The following PCBP3 variants were observed in gnomAD, a reference collection of about 807,000 sequenced individuals.
PCBP3 encodes the protein poly(rC)-binding protein 3.
PCBP3 carries 25 observed loss-of-function variants against 52.7 expected under a neutral mutation model. The ratio of observed to expected loss-of-function variants is 0.47; its 90% CI spans 0.35 to 0.66. The LOEUF (loss-of-function observed/expected upper bound fraction) is 0.66, where lower values mean the gene tolerates loss of function less well. Ranked by LOEUF, PCBP3 falls within the 30% of genes least tolerant of loss-of-function variation. The pLI is 0.01. For missense variants in PCBP3, 391 were observed against 490.3 expected, an observed-to-expected ratio of 0.80 and a Z score of 1.91; for synonymous variants, 162 against 183.0, an observed-to-expected ratio of 0.89 and a Z score of 0.93.
chr21:45,699,078 T>C (rs920909588), intron 2 of PCBP3, among the ~76,000 whole-genome samples: 3 of 152,174 alleles, frequency 2.0e-5, no homozygotes, highest in African/African-American at 7.2e-5. Flanking sequence ...TCCCTGAGCT[T>C]TATGTAGCAA....
chr21:45,739,286 TTCA>T (rs2145966360), intron 3 of PCBP3, among the ~76,000 whole-genome samples: 1 of 71,644 alleles, frequency 1.4e-5, no homozygotes, highest in Non-Finnish European at 2.6e-5. Flanking sequence ...CCCCCCCATC[TTCA>T]TCAGCCCACC....
chr21:45,920,986 G>A (rs186957342), intron 13 of PCBP3, among the ~76,000 whole-genome samples: 20 of 152,264 alleles, frequency 1.3e-4, no homozygotes, highest in East Asian at 3.9e-4. Flanking sequence ...TTTCTACATC[G>A]GTGTCATGAG....
chr21:45,712,073 T>G (rs539073702), intron 2 of PCBP3, among the ~76,000 whole-genome samples: 2 of 152,364 alleles, frequency 1.3e-5, no homozygotes, highest in Admixed American at 1.3e-4. Context: ...CTTCATATCT[T>G]GATAGTTCAT....
chr21:45,797,689 G>C (rs1415000729), intron 4 of PCBP3, among the ~76,000 whole-genome samples: 1 of 152,112 alleles, frequency 6.6e-6, no homozygotes, highest in Non-Finnish European at 1.5e-5. Flanking sequence ...TGCATAGATG[G>C]ACGAGTGCAT....
chr21:45,676,586 T>G (rs9976878), intron 2 of PCBP3, among the ~76,000 whole-genome samples: 27,327 of 151,996 alleles, frequency 0.18, 2,600 homozygotes, highest in Middle Eastern at 0.33. Flanking sequence ...GCCATGAACT[T>G]TGCCCATATA....
At position 45,656,467 on chromosome 21, in the gene PCBP3, G is replaced by A. The variant is rs1187122731; in HGVS notation, c.-278-12407G>A. Reference sequence around the variant, plus strand: ...ATGAGAACACATGGACACAGGGAGGGGAACATCATACACCAGGGCCTGTCG... The same window carrying A: ...ATGAGAACACATGGACACAGGGAGGAGAACATCATACACCAGGGCCTGTCG... On this transcript the variant is annotated intron_variant, in intron 1 of 17. Transcript: ENST00000681687. This position sits in a 1 kb window ranked among gnomAD's most constrained non-coding sequence, Gnocchi z 4.3. Among the ~76,000 whole-genome samples the A allele has an allele frequency of 6.6e-6, 1 of 152,066 alleles. No homozygotes were observed. Among genetic ancestry groups the A allele is most frequent in the Non-Finnish European group, 1.5e-5 (1 of 68,018 alleles).
intron 4 of PCBP3, among the ~76,000 whole-genome samples, chr21:45,818,461 C>T (rs548362222): frequency 1.2e-4 from 19 of 152,332 alleles, no homozygotes; most frequent in Non-Finnish European, 2.5e-4. Context: ...ATGCGCTTCA[C>T]GTACTCACTC....
intron 2 of PCBP3, among the ~76,000 whole-genome samples, chr21:45,680,070 T>C (rs991928523): frequency 1.3e-5 from 2 of 152,256 alleles, no homozygotes; most frequent in Admixed American, 1.3e-4. Context: ...GGATTTCTTA[T>C]ATCGTTCCAT....
chr21:45,859,149 C>T (rs2094419510), intron 5 of PCBP3: 1 of 152,946 alleles, frequency 6.5e-6, no homozygotes, highest in African/African-American at 2.4e-5. Context: ...ACTCCTGCTG[C>T]TTGTCCACTC....
rs561051755 is a variant in PCBP3, at chr21:45,817,726, C to G, written c.-125-32235C>G. On this transcript the variant is annotated intron_variant, in intron 4 of 17. Coordinates refer to ENST00000681687, the MANE Select transcript of PCBP3 (RefSeq NM_001384156.1). This position sits in a 1 kb window ranked among gnomAD's most constrained non-coding sequence, Gnocchi z 4.3. The stretch of plus-strand genomic sequence containing the variant: ...GCTCGAACACACTTGCTTCTTATTT[C>G]TGTCCAATTCTTAAGGTTTTTACTG... Among the ~76,000 whole-genome samples, 1 of 152,360 alleles carries G rather than the reference C, an allele frequency of 6.6e-6. No individual in the cohort carries two copies. Among genetic ancestry groups the G allele is most frequent in the East Asian group, 1.9e-4 (1 of 5,184 alleles).
In PCBP3 at chr21:45,802,217, C is replaced by A. The variant is rs936577092; in HGVS notation, c.-126+46765C>A. ...TCTGCAGCTGGGCGCTGTTTCTGCC[C>A]TGTCATGCAAGTGGGCTGGGTGCAG... is the stretch of plus-strand genomic sequence containing the variant. On this transcript the variant is annotated intron_variant, in intron 4 of 17. Transcript: ENST00000681687. The surrounding 1 kb of genome is among the most constrained non-coding windows in gnomAD (Gnocchi z 5.1). Among the ~76,000 whole-genome samples the A allele has an allele frequency of 7.2e-5, 11 of 152,194 alleles. No individual in the cohort carries two copies. Among genetic ancestry groups the A allele is most frequent in the African/African-American group, 2.7e-4 (11 of 41,444 alleles).
At chr21:45,809,452 G>A (rs371190548) in intron 4 of PCBP3, among the ~76,000 whole-genome samples, 1 of 152,212 alleles carries the variant, frequency 6.6e-6, no homozygotes, top group African/African-American at 2.4e-5. Context: ...AAGAGGGGGT[G>A]TGCGAGCAAG....
At chr21:45,938,819 C>CT in intron 16 of PCBP3, among the ~76,000 whole-genome samples, 1 of 152,322 alleles carries the variant, frequency 6.6e-6, no homozygotes, top group East Asian at 1.9e-4. Flanking sequence ...GAGATGGCCT[C>CT]TAAGGTGAGC....
intron 5 of PCBP3, among the ~76,000 whole-genome samples, chr21:45,885,290 A>G (rs533648034): frequency 5.3e-5 from 8 of 152,200 alleles, no homozygotes; most frequent in Non-Finnish European, 1.0e-4. Flanking sequence ...GCATGGGGTC[A>G]TGTCCCTCTT....
chr21:45,654,919 T>C (rs2079918127), intron 1 of PCBP3, among the ~76,000 whole-genome samples: 1 of 152,230 alleles, frequency 6.6e-6, no homozygotes, highest in Non-Finnish European at 1.5e-5. Context: ...AGTTTTCATC[T>C]CTAAGAATTT....
At position 45,830,816 on chromosome 21, in the gene PCBP3, G is replaced by A. The variant is rs1191147865; in HGVS notation, c.-125-19145G>A. 8 of 152,234 alleles carry A rather than the reference G, an allele frequency of 5.3e-5. No homozygotes were observed. The highest frequency in any genetic ancestry group is 1.9e-4 in the African/African-American group (8 of 41,460). The allele number at this position is 152,234 out of a possible 1,614,324, so 9.4% of individuals were successfully genotyped here. On this transcript the variant is annotated intron_variant, in intron 4 of 17. Transcript: ENST00000681687. The surrounding 1 kb of genome is among the most constrained non-coding windows in gnomAD (Gnocchi z 4.4). ...ATTTATAAGCCAGTATTATGATGCC[G>A]AAAATGTTTCATGATGAGGCCTTCC...
At chr21:45,708,916 A>T (rs1219498348) in intron 2 of PCBP3, among the ~76,000 whole-genome samples, 1 of 152,238 alleles carries the variant, frequency 6.6e-6, no homozygotes, top group African/African-American at 2.4e-5. Context: ...TGGCAGGCCC[A>T]TGTGTGTGCA....
chr21:45,695,026 G>C (rs1473201685), intron 2 of PCBP3, among the ~76,000 whole-genome samples: 1 of 152,214 alleles, frequency 6.6e-6, no homozygotes, highest in Non-Finnish European at 1.5e-5. Flanking sequence ...CAGAATGCCA[G>C]TGGAGGATCT....
In PCBP3 at chr21:45,917,867, C is replaced by T. The variant is rs58587005; in HGVS notation, c.717+238C>T. On this transcript the variant is annotated intron_variant, in intron 13 of 17. Coordinates refer to ENST00000681687, the MANE Select transcript of PCBP3 (RefSeq NM_001384156.1). This position sits in a 1 kb window ranked among gnomAD's most constrained non-coding sequence, Gnocchi z 5.3. ...CAAATTGTCTCAATTCTGCCGCAGTCCTGGGTTTTCCTCCCTCCCACGGGG... is the reference window on the plus strand; with the variant it reads ...CAAATTGTCTCAATTCTGCCGCAGTTCTGGGTTTTCCTCCCTCCCACGGGG... 3,317 of 549,814 alleles carry T rather than the reference C, an allele frequency of 6.0e-3. 90 individuals are homozygous for T. Among genetic ancestry groups the T allele is most frequent in the African/African-American group, 0.055 (2,910 of 53,130 alleles). The allele number at this position is 549,814 out of a possible 1,614,324, so 34.1% of individuals were successfully genotyped here.
Sources: gnomAD v4.1 joint callset for allele counts (sites outside exome capture counted in the v4.1 genomes callset) on GRCh38, gnomAD v4.1.1 for gene constraint, Gnocchi (gnomAD v3.1) non-coding constraint, MANE v1.5 for transcripts, NCBI Gene and HGNC (gene_info 2026-07-23, HGNC 2026-07-21) for gene names.